Variants in SLC36A1 observed in about 807,000 individuals in gnomAD.
SLC36A1 encodes solute carrier family 36 member 1, also known as proton-coupled amino acid transporter 1.
In SLC36A1, 30 loss-of-function variants were observed where a neutral mutation model predicts 47.5. That is an observed-to-expected ratio of 0.63 (90% CI 0.47 to 0.86). The LOEUF is 0.86. SLC36A1 is among the 40% of genes least tolerant of loss of function. The probability of loss-of-function intolerance (pLI) is 0.00; values close to 1 mark genes in which losing one functional copy is unlikely to be tolerated. For synonymous variants in SLC36A1, 255 were observed against 249.7 expected (o/e 1.02, Z -0.20); for missense variants, 517 against 606.0 (o/e 0.85, Z 1.54).
the SLC36A1 span, among the ~76,000 whole-genome samples, chr5:151,425,586 GTGGATGGATGGA>G: frequency 6.6e-6 from 1 of 152,032 alleles, no homozygotes; most frequent in Admixed American, 6.6e-5. Flanking sequence ...TGGTGGATGA[GTGGATGGATGGA>G]TGGATGGATG....
the SLC36A1 span, among the ~76,000 whole-genome samples, chr5:151,400,630 A>G: frequency 6.6e-6 from 1 of 152,314 alleles, no homozygotes; most frequent in East Asian, 1.9e-4. Context: ...CCAACAGTGT[A>G]TAAGTATCCC....
the SLC36A1 span, among the ~76,000 whole-genome samples, chr5:151,532,126 G>C: frequency 1.3e-5 from 2 of 152,140 alleles, no homozygotes; most frequent in Non-Finnish European, 2.9e-5. Flanking sequence ...TCTCCAGCGG[G>C]GTGTCTTGAC....
At chr5:151,529,336 A>G in the SLC36A1 span, 1 of 1,614,130 alleles carries the variant, frequency 6.2e-7, no homozygotes, top group Non-Finnish European at 8.5e-7. Flanking sequence ...CACTCAATGG[A>G]CAGGAAGTAC....
chr5:151,537,821 C>A, the SLC36A1 span: 5 of 1,608,628 alleles, frequency 3.1e-6, no homozygotes, highest in Non-Finnish European at 4.2e-6. Context: ...TGAATTCATG[C>A]GCCCCAGGGC....
the SLC36A1 span, among the ~76,000 whole-genome samples, chr5:151,415,587 T>C: frequency 6.7e-4 from 102 of 152,320 alleles, no homozygotes; most frequent in African/African-American, 2.4e-3. Flanking sequence ...TTCATAATTA[T>C]ACATTTGTAT....
chr5:151,541,075 CA>C, the SLC36A1 span, among the ~76,000 whole-genome samples: 1 of 152,176 alleles, frequency 6.6e-6, no homozygotes, highest in Non-Finnish European at 1.5e-5. Flanking sequence ...AAACAAATTT[CA>C]ATTCTATATA....
At chr5:151,446,215 T>G (rs546482682), upstream of SLC36A1, among the ~76,000 whole-genome samples, 3 of 152,322 alleles carry the variant, frequency 2.0e-5, no homozygotes, top group South Asian at 6.2e-4. Context: ...CCCGTTTGAT[T>G]TCATCTTTGA....
At chr5:151,534,386 GC>G in the SLC36A1 span, 1 of 1,561,422 alleles carries the variant, frequency 6.4e-7, no homozygotes, top group Non-Finnish European at 8.7e-7. Flanking sequence ...ATTGGAAATG[GC>G]CTCAATCCTT....
the SLC36A1 span, chr5:151,545,797 A>T: frequency 6.2e-7 from 1 of 1,614,226 alleles, no homozygotes; most frequent in Non-Finnish European, 8.5e-7. Flanking sequence ...TTTATCCATG[A>T]TCATGCTATA....
At chr5:151,542,628 G>C in the SLC36A1 span, 1 of 1,614,202 alleles carries the variant, frequency 6.2e-7, no homozygotes, top group Non-Finnish European at 8.5e-7. Flanking sequence ...ACAGCCTGTA[G>C]CTCACCTGGC....
At chr5:151,423,265 T>C in the SLC36A1 span, among the ~76,000 whole-genome samples, 3 of 152,226 alleles carry the variant, frequency 2.0e-5, no homozygotes, top group Non-Finnish European at 4.4e-5. Flanking sequence ...TACCGTATGA[T>C]CTAGCAATTG....
the SLC36A1 span, among the ~76,000 whole-genome samples, chr5:151,369,369 T>C: frequency 1.3e-5 from 2 of 152,152 alleles, no homozygotes; most frequent in Non-Finnish European, 2.9e-5. Flanking sequence ...GCTTAATCTG[T>C]CCAAAAATCC....
At chr5:151,471,752 T>A (rs1393176758) in intron 7 of SLC36A1, among the ~76,000 whole-genome samples, 1 of 152,248 alleles carries the variant, frequency 6.6e-6, no homozygotes, top group African/African-American at 2.4e-5. Context: ...TTGAAATCTT[T>A]CAAAGTGAAG....
At chr5:151,418,172 T>C in the SLC36A1 span, among the ~76,000 whole-genome samples, 1 of 152,356 alleles carries the variant, frequency 6.6e-6, no homozygotes, top group Non-Finnish European at 1.5e-5. Flanking sequence ...GACAGAAGTT[T>C]GCTGCAGAGG....
At chr5:151,525,740 AC>A in the SLC36A1 span, 1 of 1,613,340 alleles carries the variant, frequency 6.2e-7, no homozygotes, top group Non-Finnish European at 8.5e-7. Flanking sequence ...CCCCATGGTC[AC>A]CACCAGAAGC....
chr5:151,509,718 A>G, the SLC36A1 span: 15 of 263,494 alleles, frequency 5.7e-5, no homozygotes, highest in African/African-American at 3.0e-4. Context: ...TTGTATAATT[A>G]CTTCATTATA....
chr5:151,457,355 G>A (rs1319303966), intron 1 of SLC36A1, among the ~76,000 whole-genome samples: 1 of 152,022 alleles, frequency 6.6e-6, no homozygotes, highest in African/African-American at 2.4e-5. Flanking sequence ...TAGGATTCTA[G>A]GGGCCTACAT....
At chr5:151,438,736 C>T (rs1759924628) in intron 1 of SLC36A1, among the ~76,000 whole-genome samples, 1 of 152,200 alleles carries the variant, frequency 6.6e-6, no homozygotes, top group African/African-American at 2.4e-5. Context: ...TTCACCATCT[C>T]TCATGCACTC....
At chr5:151,528,077 T>G in the SLC36A1 span, 6 of 1,614,238 alleles carry the variant, frequency 3.7e-6, no homozygotes, top group Non-Finnish European at 5.1e-6. Flanking sequence ...GGTTCCCTCC[T>G]ATGAGGCTAT....
Sources: allele counts gnomAD v4.1 joint callset (sites outside exome capture counted in the v4.1 genomes callset), GRCh38; gene constraint gnomAD v4.1.1; transcripts MANE v1.5; gene names NCBI Gene and HGNC (gene_info 2026-07-23, HGNC 2026-07-21).